Variants in LRP1B observed in about 807,000 individuals in gnomAD.
The protein encoded by LRP1B is LDL receptor related protein 1B, also known as low-density lipoprotein receptor-related protein 1B.
A neutral mutation model predicts 556.6 loss-of-function variants in LRP1B; 217 were observed. The ratio of observed to expected loss-of-function variants is 0.39; its 90% confidence interval spans 0.35 to 0.44. The LOEUF (loss-of-function observed/expected upper bound fraction) is 0.44, where lower values mean the gene tolerates loss of function less well. LRP1B is among the 20% of genes least tolerant of loss of function. The probability of loss-of-function intolerance (pLI) is 1.00; values close to 1 mark genes in which losing one functional copy is unlikely to be tolerated. For missense variants in LRP1B, 5,053 were observed against 5,620.8 expected, an observed-to-expected ratio of 0.90 and a Z score of 3.23; for synonymous variants, 2,047 against 1,865.8, an observed-to-expected ratio of 1.10 and a Z score of -2.50.
intron 1 of LRP1B, among the ~76,000 whole-genome samples, chr2:141,840,789 C>T (rs1318656649): frequency 1.3e-5 from 2 of 152,202 alleles, no homozygotes; most frequent in Non-Finnish European, 1.5e-5. Flanking sequence ...TACCTCTCAG[C>T]GGAGGTAACG....
At chr2:141,689,641 G>C (rs1025666969) in intron 2 of LRP1B, among the ~76,000 whole-genome samples, 2 of 151,624 alleles carry the variant, frequency 1.3e-5, no homozygotes, top group Admixed American at 6.6e-5. Context: ...TGAGATAATA[G>C]ATCATTTTCT....
chr2:141,485,817 A>T (rs1683099876), intron 2 of LRP1B, among the ~76,000 whole-genome samples: 2 of 152,092 alleles, frequency 1.3e-5, no homozygotes, highest in South Asian at 4.1e-4. Context: ...CCTTAAATTA[A>T]ATGATTAATC....
chr2:141,693,980 G>A (rs1691638590), intron 2 of LRP1B, among the ~76,000 whole-genome samples: 1 of 152,040 alleles, frequency 6.6e-6, no homozygotes, highest in Non-Finnish European at 1.5e-5. Context: ...AAGTGGACTA[G>A]GAATTGGAGT....
chr2:141,715,933 T>C (rs961735351), intron 2 of LRP1B, among the ~76,000 whole-genome samples: 2 of 152,168 alleles, frequency 1.3e-5, no homozygotes, highest in African/African-American at 4.8e-5. Context: ...TGTGACAAGT[T>C]TACCTTTTTG....
chr2:141,613,585 C>T (rs1480960521), intron 2 of LRP1B, among the ~76,000 whole-genome samples: 6 of 152,096 alleles, frequency 3.9e-5, no homozygotes, highest in African/African-American at 1.2e-4. Flanking sequence ...AATAAGAAAT[C>T]AACTTGGACA....
chr2:140,252,238 A>C (rs1681470228), intron 86 of LRP1B, among the ~76,000 whole-genome samples: 1 of 151,752 alleles, frequency 6.6e-6, no homozygotes, highest in Non-Finnish European at 1.5e-5. Context: ...TAAAAGTCTT[A>C]GATGAAATTA....
chr2:141,620,102 G>A (rs1574150063), intron 2 of LRP1B, among the ~76,000 whole-genome samples: 1 of 152,150 alleles, frequency 6.6e-6, no homozygotes, highest in Admixed American at 6.5e-5. Flanking sequence ...ACAGGCAGAT[G>A]CCACCATGCC....
At chr2:142,110,394 T>C (rs542695687) in intron 1 of LRP1B, among the ~76,000 whole-genome samples, 1 of 152,228 alleles carries the variant, frequency 6.6e-6, no homozygotes, top group Non-Finnish European at 1.5e-5. Flanking sequence ...GTATTCCAGA[T>C]TGCCAGTAAT....
chr2:141,648,261 G>A (rs1284359440), intron 2 of LRP1B, among the ~76,000 whole-genome samples: 2 of 152,176 alleles, frequency 1.3e-5, no homozygotes, highest in Non-Finnish European at 2.9e-5. Context: ...AACATTCATT[G>A]AGTCCAATAA....
chr2:140,309,098 TTCTACTTA>T (rs1684186941), intron 83 of LRP1B, among the ~76,000 whole-genome samples: 1 of 151,854 alleles, frequency 6.6e-6, no homozygotes, highest in Non-Finnish European at 1.5e-5. Flanking sequence ...CATTCTACTT[TTCTACTTA>T]ATGTAATGTT....
intron 41 of LRP1B, among the ~76,000 whole-genome samples, chr2:140,699,070 A>G (rs567806808): frequency 6.6e-6 from 1 of 152,082 alleles, no homozygotes; most frequent in African/African-American, 2.4e-5. Context: ...CAACACACAC[A>G]GTAGGTAATT....
At chr2:141,510,065 A>T (rs946156098) in intron 2 of LRP1B, among the ~76,000 whole-genome samples, 3 of 152,112 alleles carry the variant, frequency 2.0e-5, no homozygotes, top group Non-Finnish European at 2.9e-5. Context: ...ATTCAGAAAA[A>T]AAAGTACTCT....
intron 2 of LRP1B, among the ~76,000 whole-genome samples, chr2:141,660,829 C>T (rs962752286): frequency 2.6e-5 from 4 of 152,136 alleles, no homozygotes; most frequent in Admixed American, 1.3e-4. Context: ...GAGCACCCAG[C>T]GCGTTTTGTT....
chr2:141,354,200 A>C (rs1278680366), intron 3 of LRP1B, among the ~76,000 whole-genome samples: 1 of 151,978 alleles, frequency 6.6e-6, no homozygotes, highest in Non-Finnish European at 1.5e-5. Context: ...ACATGTACCC[A>C]TAAAACTAAA....
intron 3 of LRP1B, among the ~76,000 whole-genome samples, chr2:141,462,955 A>C (rs1269269229): frequency 7.9e-6 from 1 of 126,984 alleles, no homozygotes; most frequent in Admixed American, 7.9e-5. Context: ...ATTTTTTAAA[A>C]GAGGAAAACT....
intron 66 of LRP1B, among the ~76,000 whole-genome samples, chr2:140,420,203 T>C (rs748674776): frequency 6.6e-6 from 1 of 151,702 alleles, no homozygotes; most frequent in Non-Finnish European, 1.5e-5. Flanking sequence ...CAATGGTTAA[T>C]ATCACAAAAA....
At chr2:141,846,998 A>G (rs1697676083) in intron 1 of LRP1B, among the ~76,000 whole-genome samples, 1 of 151,504 alleles carries the variant, frequency 6.6e-6, no homozygotes, top group African/African-American at 2.4e-5. Context: ...TAAGGTAAAG[A>G]AAAGAAAGAG....
intron 2 of LRP1B, among the ~76,000 whole-genome samples, chr2:141,773,323 G>T (rs1342181070): frequency 6.6e-6 from 1 of 152,004 alleles, no homozygotes; most frequent in African/African-American, 2.4e-5. Flanking sequence ...TAAAATTCTG[G>T]GGAATACATC....
At chr2:140,633,275 TA>T (rs201643301) in intron 41 of LRP1B, among the ~76,000 whole-genome samples, 2,718 of 151,878 alleles carry the variant, frequency 0.018, 46 homozygotes, top group Admixed American at 0.047. Flanking sequence ...TTAGAGTAAA[TA>T]AAAATAACAA....
Sources: gnomAD v4.1 joint callset for allele counts (sites outside exome capture counted in the v4.1 genomes callset) on GRCh38, gnomAD v4.1.1 for gene constraint, MANE v1.5 for transcripts, NCBI Gene and HGNC (gene_info 2026-07-23, HGNC 2026-07-21) for gene names.